Variants in SLCO2A1 observed in about 807,000 individuals in gnomAD.
SLCO2A1 encodes the protein matrin F/G 1.
Under a neutral mutation model 71.7 loss-of-function variants are expected in SLCO2A1, and 60 were observed. The ratio of observed to expected loss-of-function variants is 0.84; its 90% CI spans 0.68 to 1.04. SLCO2A1 has a LOEUF of 1.04. Ranked by LOEUF, SLCO2A1 falls within the 50% of genes least tolerant of loss-of-function variation. The probability of loss-of-function intolerance (pLI) is 0.00; values close to 1 mark genes in which losing one functional copy is unlikely to be tolerated. For missense variants in SLCO2A1, 745 were observed against 813.4 expected, an observed-to-expected ratio of 0.92 and a Z score of 1.02; for synonymous variants, 308 against 326.7, an observed-to-expected ratio of 0.94 and a Z score of 0.62.
At chr3:134,021,363 T>C (rs995135006) in intron 1 of SLCO2A1, among the ~76,000 whole-genome samples, 1 of 152,134 alleles carries the variant, frequency 6.6e-6, no homozygotes. Context: ...TGGCCAGCAT[T>C]AGAGGTAAGT....
At chr3:133,958,508 G>A (rs1012973674) in intron 3 of SLCO2A1, among the ~76,000 whole-genome samples, 3 of 152,208 alleles carry the variant, frequency 2.0e-5, no homozygotes, top group African/African-American at 7.2e-5. Flanking sequence ...AGGTAACATG[G>A]CCCCATGCTC....
chr3:133,991,173 C>T (rs759962157), intron 1 of SLCO2A1, among the ~76,000 whole-genome samples: 2 of 152,130 alleles, frequency 1.3e-5, no homozygotes, highest in Non-Finnish European at 2.9e-5. Flanking sequence ...GGTGGGCAGG[C>T]TTCTAGGTTG....
chr3:134,001,740 C>G (rs182576852), intron 1 of SLCO2A1, among the ~76,000 whole-genome samples: 1 of 152,254 alleles, frequency 6.6e-6, no homozygotes, highest in East Asian at 1.9e-4. Context: ...AAAGCTCCCC[C>G]AGGTTCCAGG....
At chr3:133,987,411 A>C (rs1934742354) in intron 1 of SLCO2A1, among the ~76,000 whole-genome samples, 1 of 151,850 alleles carries the variant, frequency 6.6e-6, no homozygotes, top group Admixed American at 6.6e-5. Flanking sequence ...CTCTTATCGC[A>C]ACCCAGACAT....
chr3:133,972,213 T>C (rs1357351901), intron 3 of SLCO2A1, among the ~76,000 whole-genome samples: 1 of 152,174 alleles, frequency 6.6e-6, no homozygotes, highest in African/African-American at 2.4e-5. Context: ...ACTTCAGGAA[T>C]TAGCAAAATA....
intron 3 of SLCO2A1, among the ~76,000 whole-genome samples, chr3:133,960,466 T>C (rs2108048620): frequency 6.6e-6 from 1 of 152,356 alleles, no homozygotes; most frequent in East Asian, 1.9e-4. Flanking sequence ...AGACAAATGC[T>C]GTGTGATTTC....
chr3:133,942,851 G>C (rs184149326), intron 10 of SLCO2A1, 83 bp from the exon 11 acceptor site: 31 of 1,390,918 alleles, frequency 2.2e-5, no homozygotes, highest in Non-Finnish European at 2.9e-5. Context: ...ACCAGCTCTT[G>C]TTGGAGACTG....
chr3:133,986,112 T>TAA (rs1195613325), intron 1 of SLCO2A1, among the ~76,000 whole-genome samples: 2 of 152,266 alleles, frequency 1.3e-5, no homozygotes, highest in Non-Finnish European at 2.9e-5. Context: ...AACAAATATT[T>TAA]AAAGTGTGTG....
Position 134,029,707 on chromosome 3 carries a change from C to G in SLCO2A1, c.96G>C (p.Lys32Asn). The stretch of plus-strand genomic sequence containing the variant: ...GGAAGACCCCGCGGACTCCGCTCAC[C>G]TTAATGTTGCCGAAGACCGAGCGGG... ...RCARSVFGNI[K>N]VFVLCQGLLQ... The change falls in exon 1 of 14, where the codon AAG becomes AAC. Residue 32 changes from lysine (K) to asparagine (N), a missense_variant and splice_region_variant. Physicochemically the swap from Lys to Asn is moderately conservative, Grantham distance 94. Transcript: ENST00000310926. 1 of 1,586,504 alleles carries G rather than the reference C, an allele frequency of 6.3e-7. No homozygotes were observed. Among genetic ancestry groups the G allele is most frequent in the Non-Finnish European group, 8.5e-7 (1 of 1,171,056 alleles).
In SLCO2A1 at chr3:133,955,116, T is replaced by A. The variant is rs748659562; in HGVS notation, c.475A>T (p.Thr159Ser). Residue 159 changes from threonine (T) to serine (S), a missense_variant, in exon 4 of 14, where the codon ACC becomes TCC. By Grantham distance (58) the Thr-to-Ser change is moderately conservative. Coordinates refer to ENST00000310926, the MANE Select transcript of SLCO2A1 (RefSeq NM_005630.3). ...DLPPSKCHST[T>S]QNPQKETSSM... ...CTGGTCTCCTTCTGGGGGTTCTGGG[T>A]GGTGCTGTGGCACTTACTGGGAGGC... 1.9e-6 allele frequency: 3 copies of A among 1,614,158 alleles called. No homozygotes were observed. The Admixed American group carries it at 5.0e-5, about 27-fold the overall frequency.
chr3:133,966,364 T>C (rs151328352), intron 3 of SLCO2A1, among the ~76,000 whole-genome samples: 1 of 152,270 alleles, frequency 6.6e-6, no homozygotes, highest in East Asian at 1.9e-4. Flanking sequence ...CACCAAATCT[T>C]CTGCAACCAA....
intron 1 of SLCO2A1, among the ~76,000 whole-genome samples, chr3:134,024,425 C>T (rs1935656823): frequency 6.6e-6 from 1 of 152,222 alleles, no homozygotes; most frequent in East Asian, 1.9e-4. Flanking sequence ...TAAACTACAT[C>T]TATTACAACC....
intron 3 of SLCO2A1, among the ~76,000 whole-genome samples, chr3:133,960,993 T>G (rs1203152747): frequency 6.6e-6 from 1 of 151,954 alleles, no homozygotes; most frequent in Admixed American, 6.6e-5. Context: ...TCAGTGAGGC[T>G]GGCGCTCAAA....
At chr3:133,997,500 A>G (rs545927386) in intron 1 of SLCO2A1, among the ~76,000 whole-genome samples, 4 of 152,358 alleles carry the variant, frequency 2.6e-5, no homozygotes, top group South Asian at 2.1e-4. Flanking sequence ...GGATACAAAG[A>G]CACACAGGGA....
In SLCO2A1 at chr3:133,991,534, A is replaced by C. The variant is rs139115483; in HGVS notation, c.97-11916T>G. 3.9e-3 allele frequency among the ~76,000 whole-genome samples: 590 copies of C among 152,362 alleles called. 3 individuals are homozygous for C. Among genetic ancestry groups the C allele is most frequent in the African/African-American group, 0.014 (570 of 41,566 alleles). ...GGTGATATTCCTCATAGCAATGACA[A>C]AAGGTATCTTTAGTATTATTCATTT... On this transcript the variant is annotated intron_variant, in intron 1 of 13. Transcript: ENST00000310926.
At chr3:133,964,873 C>A (rs1934127507) in intron 3 of SLCO2A1, among the ~76,000 whole-genome samples, 1 of 152,194 alleles carries the variant, frequency 6.6e-6, no homozygotes, top group African/African-American at 2.4e-5. Context: ...TCTTCCGCTG[C>A]CCACACCCCC....
At chr3:133,980,076 C>T (rs1216857996) in intron 1 of SLCO2A1, among the ~76,000 whole-genome samples, 1 of 152,190 alleles carries the variant, frequency 6.6e-6, no homozygotes, top group Non-Finnish European at 1.5e-5. Context: ...TGAACAAGCC[C>T]GGGTCACATG....
In SLCO2A1 at chr3:133,938,788, T is replaced by C. The variant is rs10935089; in HGVS notation, c.1626-295A>G. Among the ~76,000 whole-genome samples, 45,569 of 151,854 alleles carry C rather than the reference T, an allele frequency of 0.3. 7,644 individuals carry two copies. Among genetic ancestry groups the C allele is most frequent in the Middle Eastern group, 0.48 (141 of 294 alleles). On this transcript the variant is annotated intron_variant, in intron 11 of 13. Coordinates refer to ENST00000310926, the MANE Select transcript of SLCO2A1 (RefSeq NM_005630.3). ...GGATGGGGCCCAGCAATCTGTATTT[T>C]ACCTCCAGGAGATTCTGATGCATCA...
intron 5 of SLCO2A1, among the ~76,000 whole-genome samples, chr3:133,952,124 G>C (rs1006252302): frequency 2.0e-5 from 3 of 152,248 alleles, no homozygotes; most frequent in Non-Finnish European, 4.4e-5. Context: ...GCACTGCCCT[G>C]AGTGGACTGG....
Sources: allele counts gnomAD v4.1 joint callset (sites outside exome capture counted in the v4.1 genomes callset), GRCh38; gene constraint gnomAD v4.1.1; transcripts MANE v1.5; gene names NCBI Gene and HGNC (gene_info 2026-07-23, HGNC 2026-07-21).